Variants in EML2 observed in about 807,000 individuals in gnomAD.
EML2 encodes the protein EMAP like 2.
Under a neutral mutation model 84.7 loss-of-function variants are expected in EML2, and 59 were observed. The observed-to-expected ratio is 0.70, with a 90% CI of 0.56 to 0.86. The LOEUF is 0.86. Ranked by LOEUF, EML2 falls within the 40% of genes least tolerant of loss-of-function variation. The pLI is 0.00. For synonymous variants in EML2, 352 were observed against 348.9 expected (o/e 1.01, Z -0.10); for missense variants, 818 against 855.6 (o/e 0.96, Z 0.55).
At chr19:45,615,962 A>T in intron 15 of EML2, 73 bp from the exon 16 acceptor site, 1 of 1,163,134 alleles carries the variant, frequency 8.6e-7, no homozygotes, top group Non-Finnish European at 1.3e-6. Context: ...GGATTAAATC[A>T]GGAAAGTGGA....
chr19:45,616,340 G>T (rs1600088630), intron 15 of EML2, 121 bp downstream of exon 15: 2 of 726,854 alleles, frequency 2.8e-6, no homozygotes, highest in African/African-American at 1.8e-5. Context: ...AAGACTCCTT[G>T]CTCTGATCAG....
upstream of EML2, chr19:45,641,833 C>G (rs1974542137): frequency 2.0e-6 from 3 of 1,500,806 alleles, no homozygotes; most frequent in African/African-American, 2.8e-5. Context: ...CCTGCACCCT[C>G]TGCTGCTGGA....
intron 11 of EML2, 110 bp downstream of exon 11, chr19:45,621,097 C>T (rs1389047355): frequency 2.7e-6 from 4 of 1,463,544 alleles, no homozygotes; most frequent in Non-Finnish European, 3.7e-6. Flanking sequence ...AGAGAAGGGA[C>T]AGAGCAGGGA....
At chr19:45,624,680 A>G (rs1600136592) in intron 9 of EML2, 39 bp downstream of exon 9, 1 of 1,516,804 alleles carries the variant, frequency 6.6e-7, no homozygotes, top group Non-Finnish European at 9.1e-7. Context: ...GTGTTTCAGA[A>G]GACTGGATTG....
intron 11 of EML2, among the ~76,000 whole-genome samples, chr19:45,619,650 G>T (rs78954419): frequency 6.6e-6 from 1 of 152,218 alleles, no homozygotes; most frequent in Non-Finnish European, 1.5e-5. Context: ...CTGACCGAGC[G>T]CAGTCATCTA....
intron 11 of EML2, 99 bp downstream of exon 11, chr19:45,621,108 G>C: frequency 2.7e-6 from 4 of 1,493,714 alleles, no homozygotes; most frequent in Non-Finnish European, 2.7e-6. Context: ...AGAGCAGGGA[G>C]GTGAGGAGAA....
At chr19:45,631,449 C>T (rs1284320513) in intron 6 of EML2, among the ~76,000 whole-genome samples, 1 of 152,086 alleles carries the variant, frequency 6.6e-6, no homozygotes, top group Non-Finnish European at 1.5e-5. Flanking sequence ...GACAGAGTCT[C>T]ACTCGGTCCC....
chr19:45,621,151 G>T lies in EML2; in HGVS notation c.1122+56C>A, dbSNP rs978055585. On this transcript the variant is annotated intron_variant, in intron 11 of 18. Transcript: ENST00000245925. The stretch of plus-strand genomic sequence containing the variant: ...TGGGGAGGGGGAGTGGATGATGCAG[G>T]GAAGGCCAGGGAAAGAGCTGGGAAG... 3 of 1,591,578 alleles carry T rather than the reference G, an allele frequency of 1.9e-6. No homozygotes were observed. The Admixed American group carries it at 5.3e-5, about 28-fold the overall frequency.
intron 3 of EML2, among the ~76,000 whole-genome samples, chr19:45,637,929 G>A (rs1009051197): frequency 2.6e-5 from 4 of 151,970 alleles, no homozygotes; most frequent in African/African-American, 9.7e-5. Context: ...TGCCCACCTC[G>A]GCCTCCCAAA....
intron 13 of EML2, among the ~76,000 whole-genome samples, 186 bp from the exon 14 acceptor site, chr19:45,617,039 AGT>A (rs1452099711): frequency 6.6e-6 from 1 of 152,188 alleles, no homozygotes; most frequent in Non-Finnish European, 1.5e-5. Context: ...TGAGGTCAAG[AGT>A]TCGAAATCAG....
chr19:45,617,575 G>A, intron 13 of EML2, 55 bp downstream of exon 13: 1 of 1,493,400 alleles, frequency 6.7e-7, no homozygotes. Flanking sequence ...AGGGAAGAAG[G>A]GCCAGTTCCC....
chr19:45,639,769 A>C (rs1348194107), upstream of EML2, among the ~76,000 whole-genome samples: 1 of 152,118 alleles, frequency 6.6e-6, no homozygotes, highest in African/African-American at 2.4e-5. Context: ...CGAGGCGGGC[A>C]GATCACCTGA....
chr19:45,643,448 G>A (rs1974774007), upstream of EML2: 2 of 796,568 alleles, frequency 2.5e-6, no homozygotes, highest in Non-Finnish European at 3.6e-6. Context: ...CCCCAGATTT[G>A]GCTCTCCAGC....
chr19:45,639,044 G>A (rs772486382), intron 1 of EML2, 171 bp from the exon 2 acceptor site: 2 of 866,836 alleles, frequency 2.3e-6, no homozygotes. Flanking sequence ...GGTTGATCTT[G>A]CAGAGCCTAA....
intron 3 of EML2, among the ~76,000 whole-genome samples, chr19:45,637,645 A>AT (rs138008307): frequency 0.014 from 1,141 of 80,164 alleles, 24 homozygotes; most frequent in African/African-American, 0.053. Context: ...ATGGCTGGCT[A>AT]TTTTTTTTTT....
intron 8 of EML2, among the ~76,000 whole-genome samples, chr19:45,625,379 T>A (rs547527615): frequency 2.6e-5 from 4 of 152,336 alleles, no homozygotes; most frequent in Admixed American, 2.6e-4. Context: ...TAGCTGGGAT[T>A]ACAGGCGCCC....
At chr19:45,645,284 C>G (rs769408746), upstream of EML2, 35 of 1,533,594 alleles carry the variant, frequency 2.3e-5, no homozygotes, top group African/African-American at 4.5e-4. Flanking sequence ...GTTGCAGTAT[C>G]GCAGCAGCGA....
chr19:45,614,371 C>T (rs1290325234), intron 17 of EML2, among the ~76,000 whole-genome samples: 4 of 152,194 alleles, frequency 2.6e-5, no homozygotes, highest in Non-Finnish European at 5.9e-5. Flanking sequence ...GTGGCTAGGG[C>T]ACCGGCAGTG....
intron 18 of EML2, among the ~76,000 whole-genome samples, chr19:45,611,214 A>C (rs1438329239): frequency 6.6e-6 from 1 of 152,050 alleles, no homozygotes; most frequent in African/African-American, 2.4e-5. Flanking sequence ...GTTCAAGACC[A>C]GCCTGACCAA....
Sources: allele counts gnomAD v4.1 joint callset (sites outside exome capture counted in the v4.1 genomes callset), GRCh38; gene constraint gnomAD v4.1.1; transcripts MANE v1.5; gene names NCBI Gene and HGNC (gene_info 2026-07-23, HGNC 2026-07-21).